The following ANOS1 variants were observed in gnomAD, a reference collection of about 807,000 sequenced individuals.
The protein encoded by ANOS1 is anosmin-1.
ANOS1 carries 6 observed loss-of-function variants against 59.0 expected under a neutral mutation model. That is an observed-to-expected ratio of 0.10 (90% CI 0.06 to 0.20). ANOS1 has a LOEUF of 0.20. ANOS1 is among the 10% of genes least tolerant of loss of function. The pLI is 1.00. For synonymous variants in ANOS1, 217 were observed against 223.4 expected (o/e 0.97, Z 0.25); for missense variants, 433 against 542.3 (o/e 0.80, Z 2.00).
intron 6 of ANOS1, among the ~76,000 whole-genome samples, chrX:8,576,782 T>C (rs1160015734): frequency 9.0e-6 from 1 of 111,189 alleles, no homozygotes; most frequent in African/African-American, 3.3e-5. Flanking sequence ...CACCTCTACA[T>C]GCCACACTCT....
intron 1 of ANOS1, among the ~76,000 whole-genome samples, chrX:8,715,293 G>A (rs951162424): frequency 5.4e-5 from 6 of 110,940 alleles, no homozygotes; most frequent in Middle Eastern, 4.6e-3. Flanking sequence ...CAGAGACAGG[G>A]TCTCTCTGTC....
chrX:8,634,676 G>C (rs1224942024), intron 2 of ANOS1, among the ~76,000 whole-genome samples: 1 of 111,885 alleles, frequency 8.9e-6, no homozygotes, highest in Non-Finnish European at 1.9e-5. Context: ...CATAACTTAA[G>C]TGTGTTTTTT....
intron 2 of ANOS1, among the ~76,000 whole-genome samples, chrX:8,664,044 C>G (rs1932086460): frequency 9.0e-6 from 1 of 110,716 alleles, no homozygotes; most frequent in African/African-American, 3.3e-5. Flanking sequence ...TGGGGCCTGT[C>G]AAAGGGGTGG....
chrX:8,603,230 G>A (rs1408519442), intron 3 of ANOS1, among the ~76,000 whole-genome samples: 1 of 112,213 alleles, frequency 8.9e-6, no homozygotes, highest in Non-Finnish European at 1.9e-5. Context: ...TGCCTCCAAA[G>A]AAGAGATAAA....
rs1264760844 is a variant in ANOS1 at position 8,708,297 on chromosome X, CT to C, written c.208-8553del. On this transcript the variant is annotated intron_variant, in intron 1 of 13. Coordinates refer to ENST00000262648, the MANE Select transcript of ANOS1 (RefSeq NM_000216.4). ...CAGTTTAAAGGAACAATAGAAATGCCTAAGAAACTATCATCAGAGTGAACAG... is the reference window on the plus strand; with the variant it reads ...CAGTTTAAAGGAACAATAGAAATGCCAAGAAACTATCATCAGAGTGAACAG... Among the ~76,000 whole-genome samples the C allele has an allele frequency of 7.2e-5, 8 of 111,230 alleles. No homozygotes were observed. The Admixed American group carries it at 7.7e-4, about 11-fold the overall frequency.
At chrX:8,615,555 A>AG (rs1330002784) in intron 3 of ANOS1, among the ~76,000 whole-genome samples, 1 of 102,833 alleles carries the variant, frequency 9.7e-6, no homozygotes, top group African/African-American at 3.6e-5. Context: ...AAAAAAAAAA[A>AG]AAAAGAAAAG....
Position 8,643,909 on chromosome X carries a change from C to CA in ANOS1, c.256-20240dup, listed in dbSNP as rs771558405. Reference sequence around the variant, plus strand: ...CTATAACCTAGAAGTGCCACCCCCCCAACCCCGCCTCCACTTTGAGTTGTT... The same window carrying CA: ...CTATAACCTAGAAGTGCCACCCCCCCAAACCCCGCCTCCACTTTGAGTTGTT... On this transcript the variant is annotated intron_variant, in intron 2 of 13. Coordinates refer to ENST00000262648, the MANE Select transcript of ANOS1 (RefSeq NM_000216.4). 1.4e-4 allele frequency among the ~76,000 whole-genome samples: 16 copies of CA among 111,391 alleles called. No homozygotes were observed. The South Asian group carries it at 3.0e-3, about 21-fold the overall frequency.
intron 3 of ANOS1, among the ~76,000 whole-genome samples, chrX:8,599,575 C>G (rs1421155462): frequency 1.8e-5 from 2 of 111,927 alleles, no homozygotes; most frequent in East Asian, 5.7e-4. Context: ...CCTACCATTG[C>G]CTGGTAATGC....
chrX:8,640,334 C>G, intron 2 of ANOS1, among the ~76,000 whole-genome samples: 1 of 110,764 alleles, frequency 9.0e-6, no homozygotes, highest in Non-Finnish European at 1.9e-5. Flanking sequence ...GGAAGGGAAG[C>G]GGGAAGAGGA....
intron 6 of ANOS1, among the ~76,000 whole-genome samples, chrX:8,576,467 T>TATACACAC (rs1555894642): frequency 1.3e-4 from 13 of 100,044 alleles, no homozygotes; most frequent in African/African-American, 4.8e-4. Flanking sequence ...TATATATATA[T>TATACACAC]ACACACACAC....
intron 2 of ANOS1, among the ~76,000 whole-genome samples, chrX:8,626,729 C>T (rs1040362457): frequency 3.7e-5 from 4 of 107,703 alleles, no homozygotes; most frequent in Admixed American, 1.0e-4. Context: ...GGCGTGGTGG[C>T]GGGCGCCTGT....
intron 3 of ANOS1, among the ~76,000 whole-genome samples, chrX:8,612,960 A>G (rs1931088812): frequency 9.0e-6 from 1 of 111,602 alleles, no homozygotes; most frequent in Non-Finnish European, 1.9e-5. Flanking sequence ...AAATTCCTCC[A>G]TGAAAGCTCT....
intron 13 of ANOS1, among the ~76,000 whole-genome samples, chrX:8,533,586 C>G (rs1193585247): frequency 2.7e-5 from 3 of 111,767 alleles, no homozygotes; most frequent in Non-Finnish European, 5.6e-5. Context: ...CACTAGTCAT[C>G]AGACACTTTT....
intron 2 of ANOS1, among the ~76,000 whole-genome samples, chrX:8,645,341 C>T (rs996285896): frequency 2.7e-5 from 3 of 111,637 alleles, no homozygotes; most frequent in Non-Finnish European, 5.6e-5. Flanking sequence ...CTGCAGGTGT[C>T]GGCAGAATGT....
At chrX:8,625,462 A>G (rs1036400266) in intron 2 of ANOS1, among the ~76,000 whole-genome samples, 2 of 112,280 alleles carry the variant, frequency 1.8e-5, no homozygotes, top group African/African-American at 3.2e-5. Flanking sequence ...TATATGGTGA[A>G]GCAATACTAC....
At chrX:8,695,309 C>T (rs1395967235) in intron 2 of ANOS1, among the ~76,000 whole-genome samples, 1 of 111,838 alleles carries the variant, frequency 8.9e-6, no homozygotes, top group East Asian at 2.8e-4. Context: ...GAGATTCCGT[C>T]TCTAAATTAA....
At chrX:8,555,831 C>G (rs957621389) in intron 8 of ANOS1, among the ~76,000 whole-genome samples, 2 of 112,620 alleles carry the variant, frequency 1.8e-5, no homozygotes. Context: ...GGACTCCTCC[C>G]TAACTCATTT....
At chrX:8,730,580 A>ACCCCCCCCCCCCCCCCCC (rs61212461) in intron 1 of ANOS1, among the ~76,000 whole-genome samples, 8 of 79,357 alleles carry the variant, frequency 1.0e-4, no homozygotes, top group Non-Finnish European at 1.5e-4. Flanking sequence ...CTCTAGGGGG[A>ACCCCCCCCCCCCCCCCCC]CCCCCCCCCC....
At chrX:8,534,579 G>A (rs773672226) in intron 12 of ANOS1, 119 bp from the exon 13 acceptor site, 1 of 734,352 alleles carries the variant, frequency 1.4e-6, no homozygotes, top group Non-Finnish European at 2.1e-6. Flanking sequence ...AGGCAAGTTT[G>A]GTTGCTTTGT....
Sources: gnomAD v4.1 joint callset for allele counts (sites outside exome capture counted in the v4.1 genomes callset) on GRCh38, gnomAD v4.1.1 for gene constraint, MANE v1.5 for transcripts, NCBI Gene and HGNC (gene_info 2026-07-23, HGNC 2026-07-21) for gene names.